Variants in WIPF3 observed in about 807,000 individuals in gnomAD.
The protein encoded by WIPF3 is WAS/WASL-interacting protein family member 3.
A neutral mutation model predicts 38.9 loss-of-function variants in WIPF3; 33 were observed. That is an observed-to-expected ratio of 0.85 (90% confidence interval 0.64 to 1.14). The LOEUF (loss-of-function observed/expected upper bound fraction) is 1.14. WIPF3 is among the 50% of genes most tolerant of loss of function. The pLI is 0.00. For missense variants in WIPF3, 711 were observed against 652.5 expected (o/e 1.09, Z -0.98); for synonymous variants, 324 against 269.3 (o/e 1.20, Z -1.99).
intron 1 of WIPF3, among the ~76,000 whole-genome samples, chr7:29,807,841 G>A (rs1784307833): frequency 1.3e-5 from 2 of 152,206 alleles, no homozygotes; most frequent in Admixed American, 6.5e-5. Context: ...GATTTAGAAG[G>A]TTTGTGCCCC....
At chr7:29,887,139 C>T (rs1785899831) in intron 5 of WIPF3, among the ~76,000 whole-genome samples, 1 of 152,136 alleles carries the variant, frequency 6.6e-6, no homozygotes, top group Admixed American at 6.5e-5. Context: ...GTAGTGAGCC[C>T]AAGGCCAGGA....
intron 1 of WIPF3, among the ~76,000 whole-genome samples, chr7:29,830,100 G>GA (rs879830148): frequency 4.6e-4 from 49 of 107,036 alleles, no homozygotes; most frequent in Admixed American, 1.4e-3. Context: ...TATTGTATCT[G>GA]GAAAAAAAAA....
intron 2 of WIPF3, among the ~76,000 whole-genome samples, chr7:29,871,653 T>C (rs1393203482): frequency 1.3e-5 from 2 of 152,180 alleles, no homozygotes; most frequent in Non-Finnish European, 2.9e-5. Context: ...TGGACTGTCA[T>C]CTCCCTTCCC....
chr7:29,851,344 C>T (rs967720459), intron 2 of WIPF3, among the ~76,000 whole-genome samples: 1 of 152,168 alleles, frequency 6.6e-6, no homozygotes, highest in Non-Finnish European at 1.5e-5. Context: ...ACATCAGCTC[C>T]TCTTTACCTT....
Position 29,895,237 on chromosome 7 carries a change from G to GT in WIPF3, c.1351+5839dup, listed in dbSNP as rs34141134. 3.8e-4 allele frequency among the ~76,000 whole-genome samples: 58 copies of GT among 151,490 alleles called. No individual in the cohort carries two copies. The South Asian group carries it at 8.0e-3, about 21-fold the overall frequency. ...TGGGTGAGCCACCGCACCCAGCCTAGTTTTTTTTTCCTAATGTTTTTAAAA... is the reference window on the plus strand; with the variant it reads ...TGGGTGAGCCACCGCACCCAGCCTAGTTTTTTTTTTCCTAATGTTTTTAAAA... On this transcript the variant is annotated intron_variant, in intron 7 of 8. Coordinates refer to ENST00000242140, the MANE Select transcript of WIPF3 (RefSeq NM_001080529.3).
intron 2 of WIPF3, among the ~76,000 whole-genome samples, chr7:29,875,409 C>G (rs760500429): frequency 9.2e-5 from 14 of 152,216 alleles, no homozygotes; most frequent in Non-Finnish European, 1.9e-4. Flanking sequence ...GAGCAACTCC[C>G]ATCGTCAAGT....
chr7:29,839,498 C>T (rs994571975), intron 2 of WIPF3, among the ~76,000 whole-genome samples: 2 of 152,164 alleles, frequency 1.3e-5, no homozygotes, highest in East Asian at 3.9e-4. Context: ...CTATCACAAG[C>T]CTCTGCTGGA....
chr7:29,854,781 T>A (rs1351382872), intron 2 of WIPF3, among the ~76,000 whole-genome samples: 1 of 152,188 alleles, frequency 6.6e-6, no homozygotes, highest in East Asian at 1.9e-4. Context: ...TAACCCCCAG[T>A]GCCTCAGAAT....
Position 29,884,247 on chromosome 7 carries a change from G to A in WIPF3, c.753G>A (p.Gln251=), listed in dbSNP as rs1228766086. ...SVLSDKAVKP[Q]LAPLHLPPIP... is the part of the protein sequence containing the mutation. The stretch of plus-strand genomic sequence containing the variant: ...TTAGTGACAAGGCAGTGAAGCCTCA[G>A]CTGGCTCCCTTGCACCTCCCGCCCA... Residue 251 remains glutamine (Q), a synonymous_variant, in exon 5 of 9, where the codon CAG becomes CAA. Coordinates refer to ENST00000242140, the MANE Select transcript of WIPF3 (RefSeq NM_001080529.3). 2 of 1,525,354 alleles carry A rather than the reference G, an allele frequency of 1.3e-6. No homozygotes were observed. The highest frequency in any genetic ancestry group is 5.0e-5 in the East Asian group (2 of 39,852). The allele number at this position is 1,525,354 out of a possible 1,614,324, so 94.5% of individuals were successfully genotyped here. A position where few individuals can be genotyped will look rare whatever the true frequency, so the allele number is the denominator to read the frequency against.
At chr7:29,816,884 A>G (rs1784465652) in intron 1 of WIPF3, among the ~76,000 whole-genome samples, 1 of 152,248 alleles carries the variant, frequency 6.6e-6, no homozygotes, top group East Asian at 1.9e-4. Context: ...GAGAAAGATC[A>G]GTAAGATAAA....
chr7:29,807,506 C>T (rs1165249315), intron 1 of WIPF3, among the ~76,000 whole-genome samples: 1 of 152,172 alleles, frequency 6.6e-6, no homozygotes. Flanking sequence ...GCCCGGGCCC[C>T]GTGGGCAGGC....
At chr7:29,866,640 C>T (rs537088432) in intron 2 of WIPF3, among the ~76,000 whole-genome samples, 1 of 152,394 alleles carries the variant, frequency 6.6e-6, no homozygotes, top group East Asian at 1.9e-4. Context: ...TCAGCCTTGG[C>T]TGTCCTTTCT....
At chr7:29,893,580 T>C (rs1174782589) in intron 7 of WIPF3, among the ~76,000 whole-genome samples, 1 of 152,136 alleles carries the variant, frequency 6.6e-6, no homozygotes. Flanking sequence ...TTGACTTTGG[T>C]GACCTAGACA....
At chr7:29,849,912 A>C in intron 2 of WIPF3, among the ~76,000 whole-genome samples, 1 of 152,212 alleles carries the variant, frequency 6.6e-6, no homozygotes, top group East Asian at 1.9e-4. Flanking sequence ...ACCGTGGTGG[A>C]ATAGTTATTT....
intron 8 of WIPF3, chr7:29,912,722 A>G (rs79551247): frequency 6.5e-6 from 1 of 154,676 alleles, no homozygotes; most frequent in East Asian, 1.8e-4. Context: ...ACGCATGTAC[A>G]GTGGAATATT....
In WIPF3 at chr7:29,834,695, C is replaced by A. The variant is rs2128065387; in HGVS notation, c.-30C>A. 1 of 1,469,018 alleles carries A rather than the reference C, an allele frequency of 6.8e-7. No homozygotes were observed. Among genetic ancestry groups the A allele is most frequent in the South Asian group, 1.4e-5 (1 of 69,730 alleles). 91.0% of individuals were successfully genotyped at this position (1,469,018 alleles called of 1,614,324 possible). ...CAGAAGCCACTCTCTTGGGACCATT[C>A]ATAAGCAGGAGACATCAACACCGTG... On this transcript the variant is annotated 5_prime_UTR_variant, in exon 2 of 9. Transcript: ENST00000242140.
rs537247020 is a variant in WIPF3 at position 29,823,912 on chromosome 7, T to C, written c.-57-10756T>C. On this transcript the variant is annotated intron_variant, in intron 1 of 8. Coordinates refer to ENST00000242140, the MANE Select transcript of WIPF3 (RefSeq NM_001080529.3). This position sits in a 1 kb window ranked among gnomAD's most constrained non-coding sequence, Gnocchi z 4.0. The stretch of plus-strand genomic sequence containing the variant: ...GCCTCCCCAGAAGCAGATGCCGTTA[T>C]GCTTCCTGTACAGCCTGCAGAACTG... Among the ~76,000 whole-genome samples, 33 of 152,330 alleles carry C rather than the reference T, an allele frequency of 2.2e-4. No individual in the cohort carries two copies. In the East Asian group the frequency reaches 5.8e-3, roughly 27 times the overall value.
At chr7:29,896,791 T>C (rs1019326599) in intron 7 of WIPF3, among the ~76,000 whole-genome samples, 4 of 152,194 alleles carry the variant, frequency 2.6e-5, no homozygotes, top group Non-Finnish European at 5.9e-5. Context: ...AGTAGGAATT[T>C]TGGGAAAAAT....
Position 29,820,678 on chromosome 7 carries a change from C to T in WIPF3, c.-57-13990C>T, listed in dbSNP as rs565793320. ...TTCCCACCTCCCATCTATCCCTTTC[C>T]AAACCTCCTTTCCACCATTCAATTC... is the stretch of plus-strand genomic sequence containing the variant. On this transcript the variant is annotated intron_variant, in intron 1 of 8. Coordinates refer to ENST00000242140, the MANE Select transcript of WIPF3 (RefSeq NM_001080529.3). 7.2e-5 allele frequency among the ~76,000 whole-genome samples: 11 copies of T among 152,234 alleles called. 1 individual carries two copies. Among genetic ancestry groups the T allele is most frequent in the African/African-American group, 2.6e-4 (11 of 41,556 alleles).
Sources: gnomAD v4.1 joint callset for allele counts (sites outside exome capture counted in the v4.1 genomes callset) on GRCh38, gnomAD v4.1.1 for gene constraint, Gnocchi (gnomAD v3.1) non-coding constraint, MANE v1.5 for transcripts, NCBI Gene and HGNC (gene_info 2026-07-23, HGNC 2026-07-21) for gene names.